Variants in RYR2 observed in about 807,000 individuals in gnomAD.
RYR2 encodes the protein cardiac muscle ryanodine receptor-calcium release channel.
Under a neutral mutation model 601.1 loss-of-function variants are expected in RYR2, and 227 were observed. That is an observed-to-expected ratio of 0.38 (90% CI 0.34 to 0.42). RYR2 has a LOEUF of 0.42. Ranked by LOEUF, RYR2 falls within the 10% of genes least tolerant of loss-of-function variation. RYR2 has a pLI of 1.00. For missense variants in RYR2, 4,646 were observed against 6,156.5 expected (o/e 0.75, Z 8.21); for synonymous variants, 2,223 against 2,175.1 (o/e 1.02, Z -0.61).
At chr1:237,517,820 T>C (rs1337760757) in intron 24 of RYR2, among the ~76,000 whole-genome samples, 1 of 150,134 alleles carries the variant, frequency 6.7e-6, no homozygotes, top group Non-Finnish European at 1.5e-5. Context: ...CACAGCATGA[T>C]TTTTTTTTTA....
At chr1:237,441,227 A>G in intron 12 of RYR2, 92 bp from the exon 13 acceptor site, 1 of 1,386,542 alleles carries the variant, frequency 7.2e-7, no homozygotes, top group East Asian at 2.3e-5. Flanking sequence ...TGAATTTTTC[A>G]AGGAACATAT....
At chr1:237,265,197 G>C (rs989511391) in intron 1 of RYR2, among the ~76,000 whole-genome samples, 1 of 152,148 alleles carries the variant, frequency 6.6e-6, no homozygotes, top group East Asian at 1.9e-4. Context: ...AGAGAAGAGA[G>C]AAAGGGGTTT....
rs79551377 is a variant in RYR2 at position 237,489,934 on chromosome 1, G to A, written c.1709-1872G>A. 2.7e-4 allele frequency among the ~76,000 whole-genome samples: 41 copies of A among 152,244 alleles called. 1 individual carries two copies. The highest frequency in any genetic ancestry group is 1.9e-3 in the South Asian group (9 of 4,822). On this transcript the variant is annotated intron_variant, in intron 17 of 104. Coordinates refer to ENST00000366574, the MANE Select transcript of RYR2 (RefSeq NM_001035.3). ...CATAAAGAAAATGTGGTACCTATGC[G>A]TCATGAAATACTACGGATTGGATAA...
intron 73 of RYR2, 55 bp downstream of exon 73, chr1:237,718,576 C>A: frequency 1.1e-6 from 1 of 881,058 alleles, no homozygotes. Context: ...TAGTTAATCT[C>A]TCTTTAAAAT....
At chr1:237,503,546 T>A in intron 22 of RYR2, 41 bp downstream of exon 22, 2 of 1,590,756 alleles carry the variant, frequency 1.3e-6, no homozygotes, top group Non-Finnish European at 1.7e-6. Context: ...GGTATTGCAG[T>A]CATGCTGATA....
At position 237,792,113 on chromosome 1, in the gene RYR2, T is replaced by C. The variant is rs1573967485; in HGVS notation, c.13572T>C (p.Thr4524=). The change falls in exon 94 of 105, where the codon ACT becomes ACC. Residue 4524 remains threonine (T), a synonymous_variant. Transcript: ENST00000366574. ...NFILLFYKVS[T]SSVVEGKELP... Reference sequence around the variant, plus strand: ...TAAATGCTTTGAATCAGGTCTCCACTTCTTCTGTGGTTGAAGGAAAGGAGC... The same window carrying C: ...TAAATGCTTTGAATCAGGTCTCCACCTCTTCTGTGGTTGAAGGAAAGGAGC... 8 of 1,594,274 alleles carry C rather than the reference T, an allele frequency of 5.0e-6. 2 individuals carry two copies. In the Admixed American group the frequency reaches 1.4e-4, roughly 28 times the overall value.
intron 11 of RYR2, 116 bp from the exon 12 acceptor site, chr1:237,422,976 T>C: frequency 8.2e-7 from 1 of 1,220,702 alleles, no homozygotes. Flanking sequence ...TATCCTAAGT[T>C]TTTTGAGAAC....
intron 14 of RYR2, among the ~76,000 whole-genome samples, chr1:237,446,149 A>AT (rs1444547796): frequency 2.0e-5 from 3 of 152,118 alleles, no homozygotes; most frequent in Non-Finnish European, 4.4e-5. Context: ...TGAAGCCTAT[A>AT]TAGCTGCGGA....
intron 1 of RYR2, among the ~76,000 whole-genome samples, chr1:237,122,112 G>A (rs967480640): frequency 2.6e-5 from 4 of 152,226 alleles, no homozygotes; most frequent in Non-Finnish European, 4.4e-5. Context: ...TGTGGAAAAT[G>A]TAGAGTTACT....
intron 2 of RYR2, among the ~76,000 whole-genome samples, chr1:237,306,535 C>A (rs1481515101): frequency 2.6e-5 from 4 of 152,146 alleles, no homozygotes; most frequent in African/African-American, 4.8e-5. Flanking sequence ...GGAAAATAAC[C>A]AGTCAACATT....
At chr1:237,582,045 CTGTT>C (rs1673967243) in intron 29 of RYR2, among the ~76,000 whole-genome samples, 1 of 152,102 alleles carries the variant, frequency 6.6e-6, no homozygotes, top group African/African-American at 2.4e-5. Flanking sequence ...AAGTGTTTTT[CTGTT>C]TGTTTGTGTT....
At chr1:237,609,601 G>T (rs976683361) in intron 35 of RYR2, among the ~76,000 whole-genome samples, 2 of 151,944 alleles carry the variant, frequency 1.3e-5, no homozygotes, top group Non-Finnish European at 2.9e-5. Flanking sequence ...CTGACCTCAA[G>T]TGATCCACCT....
intron 1 of RYR2, among the ~76,000 whole-genome samples, chr1:237,084,319 C>A (rs1666066670): frequency 6.6e-6 from 1 of 152,134 alleles, no homozygotes. Flanking sequence ...TCTAATGCTC[C>A]CGCTAATGTT....
chr1:237,305,182 A>G (rs573699547), intron 2 of RYR2, among the ~76,000 whole-genome samples: 10 of 152,206 alleles, frequency 6.6e-5, no homozygotes, highest in Non-Finnish European at 1.2e-4. Context: ...TGCACAAGGA[A>G]ACATACATAA....
chr1:237,718,526 GC>G lies in RYR2; in HGVS notation c.10554+7del, dbSNP rs2149105518. On this transcript the variant is annotated splice_donor_region_variant and intron_variant, in intron 73 of 104. Coordinates refer to ENST00000366574, the MANE Select transcript of RYR2 (RefSeq NM_001035.3). ...AATATTCATTTACAAGGCAAGGTAA[GC>G]CAAATTTTATTCTTAAGCCACATTT... 1 of 1,563,778 alleles carries G rather than the reference GC, an allele frequency of 6.4e-7. No homozygotes were observed. Among genetic ancestry groups the G allele is most frequent in the East Asian group, 2.2e-5 (1 of 44,482 alleles).
At chr1:237,743,041 TTTTG>T (rs1691748756) in intron 80 of RYR2, among the ~76,000 whole-genome samples, 1 of 152,218 alleles carries the variant, frequency 6.6e-6, no homozygotes, top group South Asian at 2.1e-4. Context: ...CTACCGCTTT[TTTTG>T]TTTATTGGCT....
chr1:237,419,274 A>T (rs1210229350), intron 11 of RYR2, among the ~76,000 whole-genome samples: 1 of 151,860 alleles, frequency 6.6e-6, no homozygotes, highest in African/African-American at 2.4e-5. Context: ...TTGTAGAGAG[A>T]GACCCTACAT....
At position 237,390,803 on chromosome 1, in the gene RYR2, G is replaced by C. The variant is rs539647139; in HGVS notation, c.773+2620G>C. ...TTCCAAATAGTCTTCTTGATTTCAT[G>C]TTGATAATTTCAGTTCAACTTATTC... On this transcript the variant is annotated intron_variant, in intron 10 of 104. Coordinates refer to ENST00000366574, the MANE Select transcript of RYR2 (RefSeq NM_001035.3). Among the ~76,000 whole-genome samples the C allele has an allele frequency of 1.0e-3, 154 of 152,248 alleles. 1 individual carries two copies. Among genetic ancestry groups the C allele is most frequent in the African/African-American group, 3.6e-3 (148 of 41,560 alleles).
At chr1:237,760,762 T>C (rs1356879575) in intron 83 of RYR2, among the ~76,000 whole-genome samples, 193 bp from the exon 84 acceptor site, 2 of 152,172 alleles carry the variant, frequency 1.3e-5, no homozygotes, top group African/African-American at 4.8e-5. Context: ...ATCATTTCAG[T>C]GTAGGCCCAG....
Sources: gnomAD v4.1 joint callset for allele counts (sites outside exome capture counted in the v4.1 genomes callset) on GRCh38, gnomAD v4.1.1 for gene constraint, MANE v1.5 for transcripts, NCBI Gene and HGNC (gene_info 2026-07-23, HGNC 2026-07-21) for gene names.